The following SLC35F3 variants were observed in gnomAD, a reference collection of about 807,000 sequenced individuals.
SLC35F3 encodes putative thiamine transporter SLC35F3.
SLC35F3 carries 25 observed loss-of-function variants against 49.9 expected under a neutral mutation model. The observed-to-expected ratio is 0.50, with a 90% CI of 0.37 to 0.70. The LOEUF is 0.70. Among genes scored for constraint, SLC35F3 ranks in the 30% least tolerant of loss-of-function variants. The probability of loss-of-function intolerance (pLI) is 0.00; values close to 1 mark genes in which losing one functional copy is unlikely to be tolerated. For missense variants in SLC35F3, 525 were observed against 639.8 expected (o/e 0.82, Z 1.94); for synonymous variants, 275 against 265.4 (o/e 1.04, Z -0.35).
intron 2 of SLC35F3, among the ~76,000 whole-genome samples, chr1:234,003,386 A>AATATGACAG (rs1207015293): frequency 7.9e-5 from 12 of 152,298 alleles, no homozygotes; most frequent in Admixed American, 7.8e-4. Flanking sequence ...CAGAGACAAT[A>AATATGACAG]ATATGACAGG....
chr1:233,942,903 T>C (rs911505519), intron 2 of SLC35F3, among the ~76,000 whole-genome samples: 2 of 152,226 alleles, frequency 1.3e-5, no homozygotes, highest in African/African-American at 4.8e-5. Flanking sequence ...ACTCTCTGCT[T>C]CTGTAAATAT....
chr1:234,014,328 A>G (rs1258459500), intron 2 of SLC35F3, among the ~76,000 whole-genome samples: 1 of 152,130 alleles, frequency 6.6e-6, no homozygotes, highest in Non-Finnish European at 1.5e-5. Flanking sequence ...TGTAGAAGAA[A>G]TAATCTACTT....
At chr1:234,035,418 TA>T (rs1476056812) in intron 2 of SLC35F3, among the ~76,000 whole-genome samples, 2 of 152,190 alleles carry the variant, frequency 1.3e-5, no homozygotes, top group Non-Finnish European at 2.9e-5. Flanking sequence ...TGGAAGCAAG[TA>T]GTAGCTTTTG....
At chr1:234,238,250 A>T (rs1192422579) in intron 3 of SLC35F3, among the ~76,000 whole-genome samples, 3 of 152,208 alleles carry the variant, frequency 2.0e-5, no homozygotes, top group Non-Finnish European at 2.9e-5. Flanking sequence ...CTAAGGCAAA[A>T]TACCATGCCC....
chr1:234,313,861 A>G (rs958001141), intron 4 of SLC35F3, among the ~76,000 whole-genome samples: 4 of 152,236 alleles, frequency 2.6e-5, no homozygotes, highest in Non-Finnish European at 1.5e-5. Context: ...CAAATGTAAC[A>G]TATGTGCATA....
At chr1:234,116,804 G>A (rs1200525882) in intron 2 of SLC35F3, among the ~76,000 whole-genome samples, 7 of 152,126 alleles carry the variant, frequency 4.6e-5, no homozygotes, top group Admixed American at 1.3e-4. Context: ...GTGAGCCACC[G>A]CGCCCAGCCT....
chr1:234,101,149 C>G (rs1665208027), intron 2 of SLC35F3, among the ~76,000 whole-genome samples: 2 of 151,920 alleles, frequency 1.3e-5, no homozygotes, highest in South Asian at 4.2e-4. Flanking sequence ...GAGAGGTGAC[C>G]CTGTGCCACA....
intron 3 of SLC35F3, among the ~76,000 whole-genome samples, chr1:234,253,858 G>C (rs920782916): frequency 6.6e-6 from 1 of 152,192 alleles, no homozygotes; most frequent in African/African-American, 2.4e-5. Flanking sequence ...TCATTGTGAG[G>C]GAGTATATAA....
At chr1:233,990,900 G>A (rs1227541196) in intron 2 of SLC35F3, among the ~76,000 whole-genome samples, 1 of 152,180 alleles carries the variant, frequency 6.6e-6, no homozygotes, top group Non-Finnish European at 1.5e-5. Context: ...AAATGATAAT[G>A]AAGATTCTGT....
intron 3 of SLC35F3, among the ~76,000 whole-genome samples, chr1:234,279,307 G>A (rs1024432545): frequency 5.9e-5 from 9 of 152,282 alleles, no homozygotes; most frequent in South Asian, 2.1e-4. Context: ...ATAGGAGGCA[G>A]GTTTGCCCTA....
intron 2 of SLC35F3, among the ~76,000 whole-genome samples, chr1:233,944,961 G>A (rs1299802094): frequency 6.6e-6 from 1 of 151,878 alleles, no homozygotes; most frequent in African/African-American, 2.4e-5. Flanking sequence ...ATTGCTATTG[G>A]TTGTGCATCC....
At chr1:234,087,618 A>G (rs1664980608) in intron 2 of SLC35F3, among the ~76,000 whole-genome samples, 1 of 152,194 alleles carries the variant, frequency 6.6e-6, no homozygotes, top group Non-Finnish European at 1.5e-5. Flanking sequence ...CATTCATCAG[A>G]CAACAGCTTT....
At chr1:234,184,147 A>C (rs1024870132) in intron 2 of SLC35F3, among the ~76,000 whole-genome samples, 2 of 151,976 alleles carry the variant, frequency 1.3e-5, no homozygotes, top group South Asian at 4.1e-4. Flanking sequence ...TTAAAAAAAA[A>C]AAACAAAAAA....
At chr1:234,211,495 G>A (rs1402787157) in intron 2 of SLC35F3, among the ~76,000 whole-genome samples, 3 of 152,190 alleles carry the variant, frequency 2.0e-5, no homozygotes, top group Non-Finnish European at 2.9e-5. Context: ...CCAAGAACAT[G>A]GGAACCCCCC....
intron 2 of SLC35F3, among the ~76,000 whole-genome samples, chr1:234,087,809 G>T (rs1572046994): frequency 6.6e-6 from 1 of 152,224 alleles, no homozygotes; most frequent in African/African-American, 2.4e-5. Context: ...CAGCCATGGG[G>T]CTTCCTTGGT....
intron 2 of SLC35F3, among the ~76,000 whole-genome samples, chr1:233,962,433 C>T (rs1171005422): frequency 5.3e-5 from 8 of 152,198 alleles, no homozygotes; most frequent in Non-Finnish European, 8.8e-5. Context: ...CATGAATCTC[C>T]GTGCACACAT....
intron 2 of SLC35F3, among the ~76,000 whole-genome samples, chr1:234,033,222 A>G (rs2358202): frequency 0.37 from 55,760 of 151,810 alleles, 11,201 homozygotes; most frequent in Middle Eastern, 0.47. Context: ...TTTTCTTGCA[A>G]TTTGTTTGAG....
At chr1:234,130,056 G>A (rs1035954388) in intron 2 of SLC35F3, among the ~76,000 whole-genome samples, 4 of 152,016 alleles carry the variant, frequency 2.6e-5, no homozygotes, top group Admixed American at 6.5e-5. Context: ...ATAAAAACTC[G>A]AAGACACCAT....
chr1:234,113,572 G>A (rs144002881), intron 2 of SLC35F3, among the ~76,000 whole-genome samples: 57 of 152,100 alleles, frequency 3.7e-4, no homozygotes, highest in Non-Finnish European at 7.2e-4. Flanking sequence ...TTAAGATTTC[G>A]GTGACATGTA....
Sources: gnomAD v4.1 joint callset for allele counts (sites outside exome capture counted in the v4.1 genomes callset) on GRCh38, gnomAD v4.1.1 for gene constraint, MANE v1.5 for transcripts, NCBI Gene and HGNC (gene_info 2026-07-23, HGNC 2026-07-21) for gene names.